The following LYST variants were observed in gnomAD, a reference collection of about 807,000 sequenced individuals.
LYST encodes lysosomal-trafficking regulator.
LYST carries 192 observed loss-of-function variants against 413.6 expected under a neutral mutation model. That is an observed-to-expected ratio of 0.46 (90% CI 0.41 to 0.52). The LOEUF is 0.52. LYST is among the 20% of genes least tolerant of loss of function. The pLI is 0.00. For synonymous variants in LYST, 1,525 were observed against 1,567.3 expected, an observed-to-expected ratio of 0.97 and a Z score of 0.64; for missense variants, 3,815 against 4,499.9, an observed-to-expected ratio of 0.85 and a Z score of 4.35.
intron 3 of LYST, chr1:235,829,316 A>G (rs181664954): frequency 2.6e-5 from 4 of 152,244 alleles, no homozygotes; most frequent in African/African-American, 9.6e-5. Context: ...GTACTGTTTT[A>G]GTCTCCATAT....
At chr1:235,801,415 A>AC (rs113560541) in intron 8 of LYST, among the ~76,000 whole-genome samples, 3,227 of 149,734 alleles carry the variant, frequency 0.022, 113 homozygotes, top group African/African-American at 0.074. Flanking sequence ...AAACTTTCTG[A>AC]CCCCCCCCTC....
At chr1:235,877,596 A>G (rs6677987) in intron 1 of LYST, among the ~76,000 whole-genome samples, 124,397 of 152,040 alleles carry the variant, frequency 0.82, 51,367 homozygotes, top group African/African-American at 0.95. Flanking sequence ...AGTAGACATG[A>G]GGTTTCTCCA....
intron 12 of LYST, among the ~76,000 whole-genome samples, chr1:235,791,174 C>T (rs188599890): frequency 1.2e-4 from 18 of 151,970 alleles, no homozygotes; most frequent in Admixed American, 9.2e-4. Context: ...CCCAGCTATT[C>T]GGGAGGCTGA....
Position 235,744,005 on chromosome 1 carries a change from G to C in LYST, c.8125C>G (p.Leu2709Val), listed in dbSNP as rs758413196. 17 of 1,495,170 alleles carry C rather than the reference G, an allele frequency of 1.1e-5. No individual in the cohort carries two copies. Among genetic ancestry groups the C allele is most frequent in the African/African-American group, 4.1e-5 (3 of 72,440 alleles). 92.6% of individuals were successfully genotyped at this position (1,495,170 alleles called of 1,614,324 possible). A position where few individuals can be genotyped will look rare whatever the true frequency, so the allele number is the denominator to read the frequency against. ...ATAGATACTTTGAATCCTTCTACCA[G>C]ATATGTAAAAATTTCTTTCTGAAAT... Reference protein sequence around the residue: ...NPFQKEIFTYLVEGFKVSIGS... With the variant: ...NPFQKEIFTYVVEGFKVSIGS... Residue 2709 changes from leucine (L) to valine (V), a missense_variant, in exon 30 of 53, where the codon CTG becomes GTG. Transcript: ENST00000389793.
At chr1:235,804,390 A>G in intron 7 of LYST, 114 bp downstream of exon 7, 3 of 840,366 alleles carry the variant, frequency 3.6e-6, no homozygotes, top group Non-Finnish European at 6.2e-6. Context: ...AACTCATCTG[A>G]CCAAGTCCTA....
At chr1:235,883,153 G>A (rs1681452884) in intron 1 of LYST, 1 of 152,122 alleles carries the variant, frequency 6.6e-6, no homozygotes, top group African/African-American at 2.4e-5. Context: ...GCTCTCGGCT[G>A]GCACTGAAAA....
rs12036918 is a variant in LYST at position 235,785,333 on chromosome 1, C to T, written c.4862+1867G>A. ...GTAAATATTCATTTAATTGTGTTTG[C>T]TTGTTGTCTGATTCCTCATCAGACT... On this transcript the variant is annotated intron_variant, in intron 14 of 52. Coordinates refer to ENST00000389793, the MANE Select transcript of LYST (RefSeq NM_000081.4). Among the ~76,000 whole-genome samples, 34 of 152,218 alleles carry T rather than the reference C, an allele frequency of 2.2e-4. No individual in the cohort carries two copies. The East Asian group carries it at 5.4e-3, about 24-fold the overall frequency.
chr1:235,754,684 T>C (rs1018856559), intron 25 of LYST, among the ~76,000 whole-genome samples: 3 of 152,192 alleles, frequency 2.0e-5, no homozygotes, highest in Admixed American at 6.5e-5. Flanking sequence ...TGGCAAATAA[T>C]ACATTGATTT....
At chr1:235,690,903 G>A (rs1572004510) in intron 47 of LYST, among the ~76,000 whole-genome samples, 1 of 146,246 alleles carries the variant, frequency 6.8e-6, no homozygotes, top group African/African-American at 2.6e-5. Flanking sequence ...GTATTTTACA[G>A]TTTACAAGTT....
intron 15 of LYST, among the ~76,000 whole-genome samples, chr1:235,781,374 C>T (rs191314803): frequency 6.6e-6 from 1 of 152,016 alleles, no homozygotes; most frequent in Admixed American, 6.6e-5. Context: ...ATAATGGGAG[C>T]TATATCTTGG....
chr1:235,808,990 G>A lies in LYST; in HGVS notation c.1828C>T (p.His610Tyr), dbSNP rs1167454899. The A allele has an allele frequency of 2.5e-6, 4 of 1,613,876 alleles. No individual in the cohort carries two copies. The highest frequency in any genetic ancestry group is 3.4e-6 in the Non-Finnish European group (4 of 1,179,916). ...AGTTTGTTAAGGATATTCAATATAT[G>A]CTGCTGAAAATTTTTCAGTGCTGGC... Reference protein sequence around the residue: ...KLPALKNFQQHILNILNKLIL... With the variant: ...KLPALKNFQQYILNILNKLIL... The change falls in exon 5 of 53, where the codon CAT becomes TAT. Residue 610 changes from histidine (H) to tyrosine (Y), a missense_variant. Around this residue, in one of 4 missense-constraint regions of LYST, gnomAD observed 1,648 missense variants for 1,810.3 expected, o/e 0.91. Coordinates refer to ENST00000389793, the MANE Select transcript of LYST (RefSeq NM_000081.4).
chr1:235,779,797 A>C lies in LYST; in HGVS notation c.5214+1068T>G, dbSNP rs367717648. 6.5e-4 allele frequency among the ~76,000 whole-genome samples: 99 copies of C among 152,302 alleles called. 1 individual carries two copies. Among genetic ancestry groups the C allele is most frequent in the African/African-American group, 1.6e-3 (65 of 41,562 alleles). On this transcript the variant is annotated intron_variant, in intron 16 of 52. Transcript: ENST00000389793. ...TCCCCGCAACTCAACAACAACAACA[A>C]CACCACAAACAACAAAATACATTCC...
chr1:235,742,876 C>T (rs2103264976), intron 30 of LYST, among the ~76,000 whole-genome samples: 1 of 151,420 alleles, frequency 6.6e-6, no homozygotes, highest in South Asian at 2.1e-4. Flanking sequence ...TAGTTAAGTA[C>T]CGTATAATAA....
Position 235,808,673 on chromosome 1 carries a change from A to G in LYST, c.2145T>C (p.Ile715=), listed in dbSNP as rs750352917. The stretch of plus-strand genomic sequence containing the variant: ...TATTGCCTTTCTGGATTAAATTGCA[A>G]ATGTGATTTGCAATCTGTATACTAT... ...RLHSIQIANH[I]CNLIQKGNIV... is the part of the protein sequence containing the mutation. Residue 715 remains isoleucine, a synonymous_variant, in exon 5 of 53, where the codon ATT becomes ATC. Coordinates refer to ENST00000389793, the MANE Select transcript of LYST (RefSeq NM_000081.4). The G allele has an allele frequency of 6.2e-7, 1 of 1,613,800 alleles. No homozygotes were observed. The highest frequency in any genetic ancestry group is 1.3e-5 in the African/African-American group (1 of 75,042).
chr1:235,666,480 T>G (rs1658479174), intron 50 of LYST, among the ~76,000 whole-genome samples: 1 of 151,774 alleles, frequency 6.6e-6, no homozygotes, highest in African/African-American at 2.4e-5. Context: ...AATGGGGAAA[T>G]AGTGGTGATG....
In LYST at chr1:235,840,760, G is replaced by T. The variant is rs535290941; in HGVS notation, c.-97-7093C>A. The stretch of plus-strand genomic sequence containing the variant: ...ACATTTTATGGAGAAAACTCTAGCT[G>T]CATGAAAACCAATTTGGAGACTGGC... On this transcript the variant is annotated intron_variant, in intron 1 of 52. Coordinates refer to ENST00000389793, the MANE Select transcript of LYST (RefSeq NM_000081.4). Among the ~76,000 whole-genome samples the T allele has an allele frequency of 2.6e-5, 4 of 152,268 alleles. No homozygotes were observed. In the South Asian group the frequency reaches 8.3e-4, roughly 32 times the overall value.
chr1:235,799,993 G>A (rs1213711192), intron 10 of LYST, among the ~76,000 whole-genome samples: 1 of 105,780 alleles, frequency 9.5e-6, no homozygotes, highest in Admixed American at 1.5e-4. Flanking sequence ...GTCTTGCTCT[G>A]TCACCCAGAC....
rs1198937654 is a variant in LYST at position 235,848,311 on chromosome 1, A to C, written c.-97-14644T>G. ...GGGTCAAAAACGAAATCAAGATAGA[A>C]ATTAAAAAATTCTTCGAACTGAATG... On this transcript the variant is annotated intron_variant, in intron 1 of 52. Coordinates refer to ENST00000389793, the MANE Select transcript of LYST (RefSeq NM_000081.4). 2.6e-5 allele frequency among the ~76,000 whole-genome samples: 4 copies of C among 152,166 alleles called. No homozygotes were observed. The East Asian group carries it at 7.7e-4, about 29-fold the overall frequency.
rs747863739 is a variant in LYST at position 235,791,942 on chromosome 1, T to G, written c.4300A>C (p.Ser1434Arg). 18 of 1,614,010 alleles carry G rather than the reference T, an allele frequency of 1.1e-5. No homozygotes were observed. The African/African-American group carries it at 1.9e-4, about 17-fold the overall frequency. The change falls in exon 12 of 53, where the codon AGC becomes CGC. Residue 1434 changes from serine (S) to arginine (R), a missense_variant. Ser to Arg is a moderately radical substitution (Grantham distance 110). Coordinates refer to ENST00000389793, the MANE Select transcript of LYST (RefSeq NM_000081.4). ...GLLRRARVSR[S>R]KKEADRESFP... ...CTCTCTCTATCAGCCTCTTTCTTGC[T>G]CCGTGAAACTCGTGCTCTTCTCAAT... is the stretch of plus-strand genomic sequence containing the variant.
Sources: gnomAD v4.1 joint callset for allele counts (sites outside exome capture counted in the v4.1 genomes callset) on GRCh38, gnomAD v4.1.1 for gene constraint, gnomAD v4.1.1 regional missense constraint, MANE v1.5 for transcripts, NCBI Gene and HGNC (gene_info 2026-07-23, HGNC 2026-07-21) for gene names.